LANCL1: variants seen among roughly 807,000 people sequenced by gnomAD.
The protein encoded by LANCL1 is LanC like glutathione S-transferase 1, also known as glutathione S-transferase LANCL1.
Under a neutral mutation model 50.6 loss-of-function variants are expected in LANCL1, and 50 were observed. That is an observed-to-expected ratio of 0.99 (90% CI 0.79 to 1.25). The LOEUF (loss-of-function observed/expected upper bound fraction) is 1.25, where lower values mean the gene tolerates loss of function less well. Ranked by LOEUF, LANCL1 falls within the 50% of genes most tolerant of loss-of-function variation. The pLI is 0.00. For missense variants in LANCL1, 532 were observed against 480.7 expected (o/e 1.11, Z -1.00); for synonymous variants, 188 against 178.6 (o/e 1.05, Z -0.42).
chr2:210,455,745 T>C (rs1693654019), intron 3 of LANCL1, among the ~76,000 whole-genome samples: 1 of 151,810 alleles, frequency 6.6e-6, no homozygotes, highest in African/African-American at 2.4e-5. Flanking sequence ...CTAAAGAAAT[T>C]CAAAGACCAG....
intron 4 of LANCL1, among the ~76,000 whole-genome samples, chr2:210,443,188 G>A (rs1364604085): frequency 1.3e-5 from 2 of 152,188 alleles, no homozygotes; most frequent in Non-Finnish European, 1.5e-5. Context: ...AGATCACAGA[G>A]GGAAGTCAGT....
intron 2 of LANCL1, among the ~76,000 whole-genome samples, chr2:210,475,755 T>C (rs1040658260): frequency 2.0e-5 from 3 of 152,242 alleles, no homozygotes; most frequent in African/African-American, 7.2e-5. Context: ...CAGTGATTTG[T>C]GACATGCTAA....
chr2:210,466,498 A>G (rs1008324249), intron 3 of LANCL1, among the ~76,000 whole-genome samples: 21 of 152,182 alleles, frequency 1.4e-4, no homozygotes, highest in African/African-American at 4.8e-4. Context: ...TGCACAAATT[A>G]TAGGCTGTGA....
intron 6 of LANCL1, among the ~76,000 whole-genome samples, chr2:210,439,123 T>C (rs1179247735): frequency 1.3e-5 from 2 of 152,222 alleles, no homozygotes; most frequent in Non-Finnish European, 2.9e-5. Context: ...CTCCTCAAAC[T>C]TGCAGGAATT....
intron 4 of LANCL1, among the ~76,000 whole-genome samples, chr2:210,449,245 CA>C (rs1693438646): frequency 1.3e-5 from 2 of 152,168 alleles, no homozygotes; most frequent in Admixed American, 1.3e-4. Flanking sequence ...GAACCAAAGA[CA>C]AAAACCACAT....
intron 6 of LANCL1, among the ~76,000 whole-genome samples, chr2:210,438,133 C>CTTT (rs397869730): frequency 3.8e-5 from 5 of 130,632 alleles, no homozygotes; most frequent in East Asian, 2.2e-4. Flanking sequence ...GTTTTTCTTT[C>CTTT]TTTTTTTTTT....
chr2:210,477,511 C>T (rs945067806), upstream of LANCL1: 3 of 1,283,188 alleles, frequency 2.3e-6, no homozygotes, highest in African/African-American at 3.0e-5. Context: ...AAAAAGTCAG[C>T]CTCACTCTCT....
chr2:210,436,405 A>G lies in LANCL1; in HGVS notation c.874-13T>C, dbSNP rs1325148950. On this transcript the variant is annotated splice_polypyrimidine_tract_variant and intron_variant, in intron 7 of 9. Coordinates refer to ENST00000450366, the MANE Select transcript of LANCL1 (RefSeq NM_006055.3). ...CCTCTCTGAATACCTGCAGAGGCAA[A>G]GGACACATTTTATTATACGGGATAT... 1.9e-6 allele frequency: 3 copies of G among 1,612,516 alleles called. No homozygotes were observed. The South Asian group carries it at 3.3e-5, about 18-fold the overall frequency.
Position 210,436,360 on chromosome 2 carries a change from G to A in LANCL1, c.906C>T (p.Ala302=). 2 of 1,613,998 alleles carry A rather than the reference G, an allele frequency of 1.2e-6. No homozygotes were observed. The highest frequency in any genetic ancestry group is 8.5e-7 in the Non-Finnish European group (1 of 1,179,932). The change falls in exon 8 of 10, where the codon GCC becomes GCT. Residue 302 remains alanine (A), a synonymous_variant. Coordinates refer to ENST00000450366, the MANE Select transcript of LANCL1 (RefSeq NM_006055.3). ...GCCAGATCACATCAGCACACTGATAGGCATCACAGAGATACTTTTCCTCTC... is the reference window on the plus strand; with the variant it reads ...GCCAGATCACATCAGCACACTGATAAGCATCACAGAGATACTTTTCCTCTC... ...VFREEKYLCD[A]YQCADVIWQY...
At position 210,443,884 on chromosome 2, in the gene LANCL1, T is replaced by C. The variant is rs545916489; in HGVS notation, c.408-2441A>G. 2.0e-5 allele frequency among the ~76,000 whole-genome samples: 3 copies of C among 152,294 alleles called. No individual in the cohort carries two copies. The South Asian group carries it at 6.2e-4, about 32-fold the overall frequency. On this transcript the variant is annotated intron_variant, in intron 4 of 9. Coordinates refer to ENST00000450366, the MANE Select transcript of LANCL1 (RefSeq NM_006055.3). Reference sequence around the variant, plus strand: ...AGGAATGATAGAAAATGGTTTTTCATTGGTGGAATGAGTGGTAAAGATGGG... The same window carrying C: ...AGGAATGATAGAAAATGGTTTTTCACTGGTGGAATGAGTGGTAAAGATGGG...
chr2:210,463,578 T>C (rs1693940753), intron 3 of LANCL1, among the ~76,000 whole-genome samples: 1 of 152,266 alleles, frequency 6.6e-6, no homozygotes. Context: ...TAAAACTGCA[T>C]ACTGATGATC....
intron 3 of LANCL1, among the ~76,000 whole-genome samples, chr2:210,463,723 A>G (rs1342834141): frequency 6.6e-6 from 1 of 152,234 alleles, no homozygotes; most frequent in Non-Finnish European, 1.5e-5. Flanking sequence ...CTGAATGAGC[A>G]TGAGAGAGAC....
chr2:210,438,960 C>G (rs780047560), intron 6 of LANCL1, among the ~76,000 whole-genome samples: 1 of 152,080 alleles, frequency 6.6e-6, no homozygotes, highest in Non-Finnish European at 1.5e-5. Context: ...GTGTGAAGCA[C>G]AGGCAGGAGG....
rs1553714488 is a variant in LANCL1, at chr2:210,464,982, A to AAACAACAAC, written c.199+6976_199+6977insGTTGTTGTT. ...GGCGAGACTCCGTCTCAAAAAAAAA[A>AAACAACAAC]AAAAAAAAACTTATGCGTACAGACT... On this transcript the variant is annotated intron_variant, in intron 3 of 9. Transcript: ENST00000450366. 5.0e-4 allele frequency among the ~76,000 whole-genome samples: 70 copies of AAACAACAAC among 139,650 alleles called. 3 individuals carry two copies. Among genetic ancestry groups the AAACAACAAC allele is most frequent in the African/African-American group, 1.5e-3 (55 of 36,816 alleles). 91.6% of individuals were successfully genotyped at this position (139,650 alleles called of 152,430 possible).
At chr2:210,473,396 AC>A (rs1694275732) in intron 2 of LANCL1, among the ~76,000 whole-genome samples, 1 of 152,124 alleles carries the variant, frequency 6.6e-6, no homozygotes, top group Non-Finnish European at 1.5e-5. Flanking sequence ...AACAACAACA[AC>A]AAAAACCCAA....
chr2:210,461,302 C>A (rs1412650747), intron 3 of LANCL1, among the ~76,000 whole-genome samples: 1 of 152,052 alleles, frequency 6.6e-6, no homozygotes, highest in Non-Finnish European at 1.5e-5. Context: ...CCTAACACCT[C>A]TGGCTGGGTG....
chr2:210,471,505 A>G (rs1311263711), intron 3 of LANCL1: 1 of 451,914 alleles, frequency 2.2e-6, no homozygotes, highest in Non-Finnish European at 4.4e-6. Flanking sequence ...GTAATACTTT[A>G]CCCTGTATGG....
rs893140814 is a variant in LANCL1, at chr2:210,432,525, C to T, written c.*1962G>A. The stretch of plus-strand genomic sequence containing the variant: ...CTTATTTGAAATGTTCTTCTCCCTG[C>T]CTTGAAATCTTCCTGGGGTTAAGCA... On this transcript the variant is annotated 3_prime_UTR_variant, in exon 10 of 10. Coordinates refer to ENST00000450366, the MANE Select transcript of LANCL1 (RefSeq NM_006055.3). 6.6e-6 allele frequency: 1 copy of T among 152,150 alleles called. No homozygotes were observed. The highest frequency in any genetic ancestry group is 2.4e-5 in the African/African-American group (1 of 41,426). The allele number at this position is 152,150 out of a possible 1,614,324, so 9.4% of individuals were successfully genotyped here.
At chr2:210,463,875 GC>G (rs1469934366) in intron 3 of LANCL1, among the ~76,000 whole-genome samples, 1 of 152,166 alleles carries the variant, frequency 6.6e-6, no homozygotes, top group African/African-American at 2.4e-5. Flanking sequence ...CAGGGATACA[GC>G]TTGTAAAATT....
Sources: gnomAD v4.1 joint callset for allele counts (sites outside exome capture counted in the v4.1 genomes callset) on GRCh38, gnomAD v4.1.1 for gene constraint, MANE v1.5 for transcripts, NCBI Gene and HGNC (gene_info 2026-07-23, HGNC 2026-07-21) for gene names.